CHAT: variants seen among roughly 807,000 people sequenced by gnomAD.
CHAT encodes the protein acetyl CoA:choline O-acetyltransferase.
A neutral mutation model predicts 76.9 loss-of-function variants in CHAT; 61 were observed. The ratio of observed to expected loss-of-function variants is 0.79; its 90% CI spans 0.65 to 0.98. The LOEUF (loss-of-function observed/expected upper bound fraction) is 0.98. Among genes scored for constraint, CHAT ranks in the 50% least tolerant of loss-of-function variants. CHAT has a pLI of 0.00. For synonymous variants in CHAT, 407 were observed against 397.4 expected, an observed-to-expected ratio of 1.02 and a Z score of -0.29; for missense variants, 946 against 986.9, an observed-to-expected ratio of 0.96 and a Z score of 0.56.
rs75824532 is a variant in CHAT at position 49,653,889 on chromosome 10, C to T, written c.1635-1206C>T. On this transcript the variant is annotated intron_variant, in intron 11 of 14. Coordinates refer to ENST00000337653, the MANE Select transcript of CHAT (RefSeq NM_020549.5). ...AGATCCAGAGCTGAGGGGGACAGTG[C>T]AGCCTGCACAATGCACCCCTCCTCC... 4.7e-4 allele frequency among the ~76,000 whole-genome samples: 72 copies of T among 152,368 alleles called. 4 individuals are homozygous for T. The East Asian group carries it at 0.014, about 29-fold the overall frequency.
At chr10:49,617,121 G>A (rs1210527476) in intron 2 of CHAT, among the ~76,000 whole-genome samples, 4 of 152,220 alleles carry the variant, frequency 2.6e-5, no homozygotes, top group Middle Eastern at 3.4e-3. Flanking sequence ...CCTGACTTCA[G>A]GTGGTTGCAT....
chr10:49,649,398 C>T, intron 9 of CHAT, 110 bp from the exon 10 acceptor site: 2 of 1,541,326 alleles, frequency 1.3e-6, no homozygotes, highest in Non-Finnish European at 1.8e-6. Flanking sequence ...CCCCCTGAAA[C>T]TCCATGGCCG....
chr10:49,612,524 A>G (rs950176615), upstream of CHAT: 12 of 618,632 alleles, frequency 1.9e-5, no homozygotes, highest in South Asian at 1.9e-4. Flanking sequence ...CTCTTGTCCA[A>G]TGGGGCTTGG....
At chr10:49,609,922 C>T (rs559148697), upstream of CHAT, among the ~76,000 whole-genome samples, 21 of 152,142 alleles carry the variant, frequency 1.4e-4, no homozygotes, top group South Asian at 4.1e-3. Flanking sequence ...AAGCCTCTGG[C>T]TCCCGCCTCT....
At position 49,616,574 on chromosome 10, in the gene CHAT, C is replaced by T; in HGVS notation, c.359C>T (p.Ala120Val). Residue 120 changes from alanine to valine, a missense_variant, in exon 2 of 15, where the codon GCA becomes GTA. By Grantham distance (64) the Ala-to-Val change is moderately conservative (BLOSUM62 0). This residue lies in a region of CHAT where 548 missense variants were observed against 516.2 expected (regional missense o/e 1.06). Coordinates refer to ENST00000337653, the MANE Select transcript of CHAT (RefSeq NM_020549.5). The part of the protein sequence containing the change: ...PILEKVPRKM[A>V]AKTPSSEESG... ...CTGGAAAAGGTCCCCCGTAAGATGG[C>T]AGCAAAAACTCCCAGCAGTGAGGAG... 6.2e-7 allele frequency: 1 copy of T among 1,612,092 alleles called. No individual in the cohort carries two copies.
intron 5 of CHAT, among the ~76,000 whole-genome samples, chr10:49,623,389 G>A (rs562590717): frequency 7.1e-4 from 108 of 152,090 alleles, no homozygotes; most frequent in Non-Finnish European, 1.4e-3. Context: ...GATTGAAAAG[G>A]ACTTAAGACT....
At chr10:49,616,180 GCAGCACTCTGC>G in intron 1 of CHAT, 2 of 1,307,196 alleles carry the variant, frequency 1.5e-6, no homozygotes, top group Non-Finnish European at 2.2e-6. Context: ...AGGAACAAAG[GCAGCACTCTGC>G]CAGCAACCCC....
intron 11 of CHAT, among the ~76,000 whole-genome samples, chr10:49,653,335 C>T (rs978680353): frequency 6.6e-6 from 1 of 152,302 alleles, no homozygotes; most frequent in African/African-American, 2.4e-5. Context: ...AATAGATCTT[C>T]CTGGAGATGG....
chr10:49,611,832 G>C (rs150494839), upstream of CHAT: 31 of 1,604,256 alleles, frequency 1.9e-5, no homozygotes, highest in African/African-American at 3.6e-4. Context: ...CGCTTGGGCT[G>C]GCTGTGATCG....
intron 7 of CHAT, chr10:49,637,752 C>T (rs1222165168): frequency 2.0e-5 from 3 of 152,192 alleles, no homozygotes; most frequent in South Asian, 2.1e-4. Flanking sequence ...CTCTTTGACC[C>T]ATTCATTGTT....
At chr10:49,616,080 C>A (rs370690022) in intron 1 of CHAT, 4 of 1,613,678 alleles carry the variant, frequency 2.5e-6, no homozygotes, top group Non-Finnish European at 3.4e-6. Flanking sequence ...AGATGAAGCA[C>A]TGAGCACAGT....
At chr10:49,645,026 G>A (rs1564486927) in intron 7 of CHAT, among the ~76,000 whole-genome samples, 1 of 152,208 alleles carries the variant, frequency 6.6e-6, no homozygotes, top group African/African-American at 2.4e-5. Flanking sequence ...AGTTATCTTT[G>A]AGGAGGTTCC....
Position 49,651,870 on chromosome 10 carries a change from T to G in CHAT, c.1512-14T>G. On this transcript the variant is annotated splice_polypyrimidine_tract_variant and intron_variant, in intron 10 of 14. Coordinates refer to ENST00000337653, the MANE Select transcript of CHAT (RefSeq NM_020549.5). ...TTGCATGCAATAAAAACATCTTTTC[T>G]TTTTCTTCCTCAGAATAGTAAAGAA... The G allele has an allele frequency of 6.2e-7, 1 of 1,612,268 alleles. No individual in the cohort carries two copies. Among genetic ancestry groups the G allele is most frequent in the Non-Finnish European group, 8.5e-7 (1 of 1,179,006 alleles).
intron 6 of CHAT, among the ~76,000 whole-genome samples, chr10:49,626,918 A>C (rs1317184823): frequency 6.6e-6 from 1 of 152,250 alleles, no homozygotes; most frequent in East Asian, 1.9e-4. Flanking sequence ...ACATGCACAC[A>C]TGTGTAGGTG....
intron 5 of CHAT, among the ~76,000 whole-genome samples, chr10:49,622,737 A>G (rs906435864): frequency 1.3e-5 from 2 of 152,200 alleles, no homozygotes; most frequent in Non-Finnish European, 2.9e-5. Flanking sequence ...GGTAGAGACT[A>G]TAAGGGCATT....
intron 13 of CHAT, among the ~76,000 whole-genome samples, chr10:49,657,645 TTAC>T (rs1840074116): frequency 6.6e-6 from 1 of 152,224 alleles, no homozygotes; most frequent in South Asian, 2.1e-4. Context: ...AATTAAAGTC[TTAC>T]TACTTTCTTC....
chr10:49,611,436 G>GGGCATCCTCTATGAGTTCGCC, upstream of CHAT: 1 of 1,597,968 alleles, frequency 6.3e-7, no homozygotes, highest in Non-Finnish European at 8.5e-7. Context: ...CGCCCTTCGG[G>GGGCATCCTCTATGAGTTCGCC]GGCATCCTCT....
At position 49,660,420 on chromosome 10, in the gene CHAT, C is replaced by T. The variant is rs562619649; in HGVS notation, c.1840-2225C>T. 1.7e-3 allele frequency among the ~76,000 whole-genome samples: 252 copies of T among 145,692 alleles called. 1 individual carries two copies. Among genetic ancestry groups the T allele is most frequent in the Middle Eastern group, 7.2e-3 (2 of 276 alleles). On this transcript the variant is annotated intron_variant, in intron 13 of 14. Coordinates refer to ENST00000337653, the MANE Select transcript of CHAT (RefSeq NM_020549.5). Reference sequence around the variant, plus strand: ...TCGCGCCACTGCACTCCAGCCTAGACGACAGAGTGAGACTCCATCTCAGAA... The same window carrying T: ...TCGCGCCACTGCACTCCAGCCTAGATGACAGAGTGAGACTCCATCTCAGAA...
chr10:49,649,366 G>A (rs1033134021), intron 9 of CHAT, 142 bp from the exon 10 acceptor site: 20 of 1,143,550 alleles, frequency 1.7e-5, no homozygotes, highest in South Asian at 3.8e-5. Flanking sequence ...TCATCTGCAC[G>A]GTGGTTCAGG....
Sources: gnomAD v4.1 joint callset for allele counts (sites outside exome capture counted in the v4.1 genomes callset) on GRCh38, gnomAD v4.1.1 for gene constraint, gnomAD v4.1.1 regional missense constraint, MANE v1.5 for transcripts, NCBI Gene and HGNC (gene_info 2026-07-23, HGNC 2026-07-21) for gene names.